SNX29: variants seen among roughly 807,000 people sequenced by gnomAD.
The protein encoded by SNX29 is sorting nexin 29, also known as sorting nexin-29.
SNX29 carries 78 observed loss-of-function variants against 102.1 expected under a neutral mutation model. The observed-to-expected ratio is 0.76, with a 90% CI of 0.64 to 0.92. SNX29 has a LOEUF of 0.92. Among genes scored for constraint, SNX29 ranks in the 40% least tolerant of loss-of-function variants. The pLI, the probability that SNX29 is intolerant of heterozygous loss-of-function variation, is 0.00. For missense variants in SNX29, 1,280 were observed against 1,061.7 expected, an observed-to-expected ratio of 1.21 and a Z score of -2.86; for synonymous variants, 580 against 414.5, an observed-to-expected ratio of 1.40 and a Z score of -4.85.
At chr16:12,166,145 G>A (rs2056011952) in intron 13 of SNX29, among the ~76,000 whole-genome samples, 1 of 152,212 alleles carries the variant, frequency 6.6e-6, no homozygotes, top group Admixed American at 6.5e-5. Flanking sequence ...ATGTGATTTG[G>A]TGGTTTGCCA....
At chr16:12,482,885 C>G (rs1255591179) in intron 19 of SNX29, among the ~76,000 whole-genome samples, 1 of 152,090 alleles carries the variant, frequency 6.6e-6, no homozygotes, top group Non-Finnish European at 1.5e-5. Context: ...TGTGTGGACC[C>G]AGCATTTGTC....
chr16:12,364,544 G>A (rs1389239543), intron 16 of SNX29, among the ~76,000 whole-genome samples: 2 of 151,960 alleles, frequency 1.3e-5, no homozygotes, highest in Admixed American at 6.6e-5. Flanking sequence ...TGGGAGAAGA[G>A]CTCCCGGTTT....
At chr16:12,542,362 C>CAATCTCTTGCT (rs2077381408) in intron 20 of SNX29, among the ~76,000 whole-genome samples, 1 of 152,102 alleles carries the variant, frequency 6.6e-6, no homozygotes, top group East Asian at 1.9e-4. Context: ...AAAAGTTAGA[C>CAATCTCTTGCT]CCAAGTTCTA....
chr16:12,505,618 C>T (rs2089336944), intron 19 of SNX29, among the ~76,000 whole-genome samples: 2 of 152,046 alleles, frequency 1.3e-5, no homozygotes, highest in Admixed American at 6.5e-5. Flanking sequence ...TCACGTGCTT[C>T]CTTGATTACT....
intron 18 of SNX29, among the ~76,000 whole-genome samples, chr16:12,461,317 T>C (rs2086767109): frequency 6.6e-6 from 1 of 152,316 alleles, no homozygotes; most frequent in East Asian, 1.9e-4. Context: ...TACCTGTGAA[T>C]GTGCAGCTGG....
intron 10 of SNX29, among the ~76,000 whole-genome samples, chr16:12,070,265 G>A (rs1019377035): frequency 6.6e-6 from 1 of 151,022 alleles, no homozygotes; most frequent in Non-Finnish European, 1.5e-5. Flanking sequence ...CCATGCTGGT[G>A]TGCTGCACCC....
chr16:12,183,584 C>T (rs2076443055), intron 13 of SNX29, among the ~76,000 whole-genome samples: 1 of 152,204 alleles, frequency 6.6e-6, no homozygotes, highest in Non-Finnish European at 1.5e-5. Flanking sequence ...CTCTTCTGCA[C>T]TTCTTTCCGA....
intron 14 of SNX29, among the ~76,000 whole-genome samples, chr16:12,238,089 T>C (rs1427321708): frequency 1.3e-5 from 2 of 151,996 alleles, no homozygotes; most frequent in Non-Finnish European, 2.9e-5. Flanking sequence ...AGAAGGGAGA[T>C]GAACCTCGGT....
chr16:12,464,351 T>G (rs924404569), intron 18 of SNX29, among the ~76,000 whole-genome samples: 2 of 152,170 alleles, frequency 1.3e-5, no homozygotes, highest in Non-Finnish European at 2.9e-5. Context: ...CTAGTTTGTT[T>G]CCATATCTTG....
At chr16:12,456,332 T>C (rs552508768) in intron 18 of SNX29, among the ~76,000 whole-genome samples, 1 of 152,326 alleles carries the variant, frequency 6.6e-6, no homozygotes, top group East Asian at 1.9e-4. Context: ...AAATGATTCA[T>C]CTTGTAAACA....
chr16:12,420,992 G>A (rs1208402221), intron 18 of SNX29, among the ~76,000 whole-genome samples: 7 of 152,186 alleles, frequency 4.6e-5, no homozygotes, highest in East Asian at 3.8e-4. Context: ...GGTGCTATGC[G>A]GGGTACTTTT....
chr16:12,572,918 G>A lies in SNX29; in HGVS notation c.*4289G>A. The A allele has an allele frequency of 3.1e-6, 3 of 971,396 alleles. No homozygotes were observed. The highest frequency in any genetic ancestry group is 5.0e-5 in the South Asian group (1 of 20,054). 60.2% of individuals were successfully genotyped at this position (971,396 alleles called of 1,614,324 possible). A position where few individuals can be genotyped will look rare whatever the true frequency, so the allele number is the denominator to read the frequency against. On this transcript the variant is annotated 3_prime_UTR_variant, in exon 21 of 21. Transcript: ENST00000566228. ...TTCGCTCGGAATCACGGCAGACTTG[G>A]AGTGTTTCTTCAAGGCAGGCATCTG...
chr16:12,302,148 G>T (rs2080192347), intron 15 of SNX29, among the ~76,000 whole-genome samples: 1 of 152,190 alleles, frequency 6.6e-6, no homozygotes, highest in South Asian at 2.1e-4. Context: ...TTTGTAAAGG[G>T]CCAGAGGGTG....
At chr16:12,075,161 A>G (rs1353449036) in intron 10 of SNX29, among the ~76,000 whole-genome samples, 1 of 152,032 alleles carries the variant, frequency 6.6e-6, no homozygotes, top group African/African-American at 2.4e-5. Context: ...TCTTCTCTCA[A>G]CTCGTCAAAG....
At chr16:11,999,986 G>A (rs1385000892) in intron 2 of SNX29, among the ~76,000 whole-genome samples, 3 of 152,026 alleles carry the variant, frequency 2.0e-5, no homozygotes, top group African/African-American at 7.2e-5. Flanking sequence ...CAACTCTGAG[G>A]GGTGCAGAGG....
chr16:12,057,720 A>G (rs2050576268), intron 8 of SNX29, among the ~76,000 whole-genome samples: 1 of 152,042 alleles, frequency 6.6e-6, no homozygotes, highest in Non-Finnish European at 1.5e-5. Context: ...AACATTTAGG[A>G]TCTCAAACAT....
intron 19 of SNX29, among the ~76,000 whole-genome samples, chr16:12,513,097 C>G (rs867586870): frequency 1.3e-5 from 2 of 151,848 alleles, no homozygotes; most frequent in South Asian, 4.2e-4. Flanking sequence ...CCCTGCGTAC[C>G]CCTTCCTCAG....
intron 8 of SNX29, among the ~76,000 whole-genome samples, chr16:12,061,084 C>T (rs893780329): frequency 1.1e-4 from 16 of 152,338 alleles, no homozygotes; most frequent in African/African-American, 3.4e-4. Context: ...CCTCTTCACT[C>T]GGTGGCTTGG....
At chr16:12,522,421 G>C (rs2090136377) in intron 19 of SNX29, among the ~76,000 whole-genome samples, 1 of 152,064 alleles carries the variant, frequency 6.6e-6, no homozygotes, top group South Asian at 2.1e-4. Context: ...TTCTGATTTT[G>C]ATTTTTGATT....
Sources: allele counts gnomAD v4.1 joint callset (sites outside exome capture counted in the v4.1 genomes callset), GRCh38; gene constraint gnomAD v4.1.1; transcripts MANE v1.5; gene names NCBI Gene and HGNC (gene_info 2026-07-23, HGNC 2026-07-21).